The following SORCS3 variants were observed in gnomAD, a reference collection of about 807,000 sequenced individuals.
SORCS3 encodes VPS10 domain-containing receptor SorCS3.
A neutral mutation model predicts 146.3 loss-of-function variants in SORCS3; 57 were observed. The observed-to-expected ratio is 0.39, with a 90% CI of 0.31 to 0.49. The LOEUF is 0.49. SORCS3 is among the 20% of genes least tolerant of loss of function. The pLI, the probability that SORCS3 is intolerant of heterozygous loss-of-function variation, is 0.92. For missense variants in SORCS3, 1,341 were observed against 1,575.5 expected (o/e 0.85, Z 2.52); for synonymous variants, 653 against 618.5 (o/e 1.06, Z -0.83).
intron 20 of SORCS3, among the ~76,000 whole-genome samples, chr10:105,227,240 A>G (rs2056738871): frequency 1.3e-5 from 2 of 151,800 alleles, no homozygotes; most frequent in Non-Finnish European, 1.5e-5. Flanking sequence ...AGGTTGTGGT[A>G]TGTTGTGTTT....
chr10:104,737,227 C>T (rs543972280), intron 1 of SORCS3, among the ~76,000 whole-genome samples: 56 of 152,190 alleles, frequency 3.7e-4, no homozygotes, highest in African/African-American at 1.1e-3. Context: ...TGAATAGTGC[C>T]GCAATAAACA....
At chr10:104,828,154 T>G (rs995876805) in intron 1 of SORCS3, among the ~76,000 whole-genome samples, 1 of 152,188 alleles carries the variant, frequency 6.6e-6, no homozygotes, top group Non-Finnish European at 1.5e-5. Context: ...CATTCAGAGT[T>G]TGGCAAACTC....
At chr10:104,817,157 A>G (rs2091073085) in intron 1 of SORCS3, among the ~76,000 whole-genome samples, 1 of 152,132 alleles carries the variant, frequency 6.6e-6, no homozygotes, top group African/African-American at 2.4e-5. Context: ...CACACTACTT[A>G]TGAGCACATT....
chr10:105,254,803 A>G (rs971241747), intron 23 of SORCS3, among the ~76,000 whole-genome samples: 3 of 151,982 alleles, frequency 2.0e-5, no homozygotes, highest in African/African-American at 7.2e-5. Context: ...ATCTAAAAAA[A>G]AAAAGAAGTA....
At position 105,263,575 on chromosome 10, in the gene SORCS3, G is replaced by A; in HGVS notation, c.*201G>A. 1 of 560,690 alleles carries A rather than the reference G, an allele frequency of 1.8e-6. No individual in the cohort carries two copies. The highest frequency in any genetic ancestry group is 2.4e-5 in the South Asian group (1 of 41,444). The allele number at this position is 560,690 out of a possible 1,614,324, so 34.7% of individuals were successfully genotyped here. On this transcript the variant is annotated 3_prime_UTR_variant, in exon 27 of 27. Transcript: ENST00000369701. ...AATGAGACAAAGGGAATAAATGGCT[G>A]TATTTGTGCTAAGAGCAAAGGATGC...
intron 1 of SORCS3, among the ~76,000 whole-genome samples, chr10:104,767,367 G>T (rs187628594): frequency 6.6e-6 from 1 of 152,110 alleles, no homozygotes; most frequent in East Asian, 1.9e-4. Flanking sequence ...GAAAAGCCCC[G>T]AGGAGCCTTG....
intron 1 of SORCS3, among the ~76,000 whole-genome samples, chr10:104,688,804 G>A (rs148314498): frequency 3.3e-5 from 5 of 152,098 alleles, no homozygotes; most frequent in Middle Eastern, 3.4e-3. Flanking sequence ...TTCCCTCCAC[G>A]TGCCAACTCC....
At chr10:104,686,801 G>A (rs912155579) in intron 1 of SORCS3, among the ~76,000 whole-genome samples, 9 of 152,190 alleles carry the variant, frequency 5.9e-5, no homozygotes, top group Non-Finnish European at 1.0e-4. Context: ...AACCCACCCC[G>A]TCTCAGGATC....
chr10:105,168,645 G>T (rs2056334793), intron 13 of SORCS3, among the ~76,000 whole-genome samples: 1 of 152,088 alleles, frequency 6.6e-6, no homozygotes, highest in South Asian at 2.1e-4. Context: ...ATCAGGAAAG[G>T]CTTAGAATTC....
chr10:105,209,839 A>G (rs1225117542), intron 16 of SORCS3, among the ~76,000 whole-genome samples: 1 of 152,104 alleles, frequency 6.6e-6, no homozygotes, highest in African/African-American at 2.4e-5. Flanking sequence ...CTCGGAAGAT[A>G]TTGTGTACGA....
intron 3 of SORCS3, among the ~76,000 whole-genome samples, chr10:104,950,476 G>A (rs575656574): frequency 7.2e-5 from 11 of 152,294 alleles, no homozygotes; most frequent in South Asian, 6.2e-4. Context: ...GAAGCATTGC[G>A]TGTAAATAAG....
At chr10:105,065,398 G>A (rs986584401) in intron 5 of SORCS3, among the ~76,000 whole-genome samples, 1 of 138,364 alleles carries the variant, frequency 7.2e-6, no homozygotes, top group African/African-American at 3.2e-5. Flanking sequence ...ATATTTTATT[G>A]CATTTACAAA....
intron 1 of SORCS3, among the ~76,000 whole-genome samples, chr10:104,643,260 A>T (rs866360020): frequency 1.4e-4 from 21 of 152,248 alleles, no homozygotes; most frequent in African/African-American, 5.1e-4. Context: ...TGTTTGACAA[A>T]ATTTCTCTGG....
chr10:104,832,758 C>A (rs2018015762), intron 1 of SORCS3, among the ~76,000 whole-genome samples: 1 of 144,884 alleles, frequency 6.9e-6, no homozygotes, highest in African/African-American at 2.7e-5. Flanking sequence ...AATGAACGAA[C>A]GAACAGGTGT....
intron 2 of SORCS3, among the ~76,000 whole-genome samples, chr10:104,907,204 A>G (rs2018915364): frequency 6.6e-6 from 1 of 151,856 alleles, no homozygotes; most frequent in African/African-American, 2.4e-5. Flanking sequence ...AGTTATGTTC[A>G]TATCAACAGA....
At chr10:105,108,215 G>C (rs1051710900) in intron 7 of SORCS3, among the ~76,000 whole-genome samples, 1 of 152,166 alleles carries the variant, frequency 6.6e-6, no homozygotes, top group Non-Finnish European at 1.5e-5. Context: ...AGTGCAGTCA[G>C]AGAGGAGCGT....
chr10:105,169,609 C>A (rs1366826486), intron 13 of SORCS3, among the ~76,000 whole-genome samples: 1 of 151,964 alleles, frequency 6.6e-6, no homozygotes, highest in Admixed American at 6.6e-5. Context: ...TTGATTGAGA[C>A]CAAAAATGTA....
At chr10:104,699,027 A>C (rs1017204409) in intron 1 of SORCS3, among the ~76,000 whole-genome samples, 1 of 152,190 alleles carries the variant, frequency 6.6e-6, no homozygotes, top group African/African-American at 2.4e-5. Flanking sequence ...AACATCAGAT[A>C]GCTGTAAAGA....
At position 104,678,925 on chromosome 10, in the gene SORCS3, T is replaced by C. The variant is rs200578310; in HGVS notation, c.627+36971T>C. Among the ~76,000 whole-genome samples, 8 of 152,320 alleles carry C rather than the reference T, an allele frequency of 5.3e-5. No homozygotes were observed. The East Asian group carries it at 1.5e-3, about 29-fold the overall frequency. ...GACAGGGAAGGATACTGGCACCCTA[T>C]TGTAAAATAAACCATTACAAATATA... On this transcript the variant is annotated intron_variant, in intron 1 of 26. Coordinates refer to ENST00000369701, the MANE Select transcript of SORCS3 (RefSeq NM_014978.3).
Sources: gnomAD v4.1 joint callset for allele counts (sites outside exome capture counted in the v4.1 genomes callset) on GRCh38, gnomAD v4.1.1 for gene constraint, MANE v1.5 for transcripts, NCBI Gene and HGNC (gene_info 2026-07-23, HGNC 2026-07-21) for gene names.